The following KDM4C variants were observed in gnomAD, a reference collection of about 807,000 sequenced individuals.
KDM4C encodes lysine-specific demethylase 4C.
A neutral mutation model predicts 129.3 loss-of-function variants in KDM4C; 81 were observed. That is an observed-to-expected ratio of 0.63 (90% CI 0.52 to 0.75). KDM4C has a LOEUF of 0.75. KDM4C is among the 30% of genes least tolerant of loss of function. KDM4C has a pLI of 0.00. For missense variants in KDM4C, 1,457 were observed against 1,304.0 expected (o/e 1.12, Z -1.81); for synonymous variants, 573 against 456.1 (o/e 1.26, Z -3.26).
At chr9:7,160,171 T>G (rs1362538676) in intron 19 of KDM4C, among the ~76,000 whole-genome samples, 2 of 152,250 alleles carry the variant, frequency 1.3e-5, no homozygotes, top group East Asian at 3.8e-4. Context: ...GCCATGGTTT[T>G]CAGCTCTGTC....
intron 1 of KDM4C, among the ~76,000 whole-genome samples, chr9:6,773,748 G>T (rs1258438059): frequency 6.7e-6 from 1 of 150,212 alleles, no homozygotes; most frequent in East Asian, 1.9e-4. Context: ...CCTAGCCTGG[G>T]CGACAGAGTG....
intron 18 of KDM4C, among the ~76,000 whole-genome samples, chr9:7,107,822 A>C (rs946137028): frequency 3.3e-5 from 5 of 151,836 alleles, no homozygotes; most frequent in Admixed American, 2.6e-4. Context: ...GTATTATTGT[A>C]GCTAGGTCAT....
chr9:6,820,698 ATCTC>A (rs200755944), intron 4 of KDM4C, among the ~76,000 whole-genome samples: 70 of 140,696 alleles, frequency 5.0e-4, no homozygotes, highest in East Asian at 8.4e-4. Flanking sequence ...TTGTGTCTTG[ATCTC>A]TCTCTCTCTC....
chr9:6,856,747 A>ATTT (rs781673639), intron 5 of KDM4C, among the ~76,000 whole-genome samples: 76 of 104,252 alleles, frequency 7.3e-4, no homozygotes, highest in Middle Eastern at 5.1e-3. Flanking sequence ...TAATTTTTGT[A>ATTT]TTTTTTTTTT....
intron 15 of KDM4C, among the ~76,000 whole-genome samples, chr9:7,035,221 C>A: frequency 6.6e-6 from 1 of 150,686 alleles, no homozygotes; most frequent in African/African-American, 2.4e-5. Context: ...GCCATGTTGC[C>A]CAGGCTGGTC....
chr9:6,817,319 C>T (rs1261214999), intron 4 of KDM4C, among the ~76,000 whole-genome samples: 3 of 151,460 alleles, frequency 2.0e-5, no homozygotes, highest in Non-Finnish European at 4.4e-5. Flanking sequence ...TTCCTGCCTC[C>T]ACCTCCTATG....
chr9:6,781,532 T>C (rs972959198), intron 1 of KDM4C, among the ~76,000 whole-genome samples: 9 of 152,178 alleles, frequency 5.9e-5, no homozygotes, highest in African/African-American at 2.2e-4. Flanking sequence ...CCATAAACCA[T>C]GGTATTCTTG....
At chr9:6,825,909 C>G (rs1350258612) in intron 4 of KDM4C, among the ~76,000 whole-genome samples, 2 of 152,198 alleles carry the variant, frequency 1.3e-5, no homozygotes, top group African/African-American at 2.4e-5. Context: ...CTCCCAGGCT[C>G]AGGTGATCCT....
intron 5 of KDM4C, among the ~76,000 whole-genome samples, chr9:6,858,410 A>G (rs919972036): frequency 6.6e-6 from 1 of 152,120 alleles, no homozygotes; most frequent in Non-Finnish European, 1.5e-5. Flanking sequence ...AGAAATTGTT[A>G]AATCCATAAC....
intron 17 of KDM4C, among the ~76,000 whole-genome samples, chr9:7,070,796 A>C (rs565155613): frequency 6.6e-6 from 1 of 152,268 alleles, no homozygotes; most frequent in South Asian, 2.1e-4. Context: ...ACTGTGAACA[A>C]GGTAATGAAT....
At chr9:6,965,366 T>A (rs1830776497) in intron 8 of KDM4C, among the ~76,000 whole-genome samples, 1 of 151,994 alleles carries the variant, frequency 6.6e-6, no homozygotes, top group African/African-American at 2.4e-5. Flanking sequence ...GAGATATATA[T>A]GACTAAATTA....
At chr9:7,158,680 A>G (rs1236988674) in intron 19 of KDM4C, among the ~76,000 whole-genome samples, 1 of 152,098 alleles carries the variant, frequency 6.6e-6, no homozygotes, top group African/African-American at 2.4e-5. Flanking sequence ...CTGAGTTCTA[A>G]TTTGATTGCA....
chr9:7,010,084 G>A (rs550525571), intron 12 of KDM4C, among the ~76,000 whole-genome samples: 3 of 152,284 alleles, frequency 2.0e-5, no homozygotes, highest in Non-Finnish European at 4.4e-5. Flanking sequence ...ATATAAAGGT[G>A]CAGTATTAAA....
intron 1 of KDM4C, among the ~76,000 whole-genome samples, chr9:6,774,041 C>G (rs1822475839): frequency 6.6e-6 from 1 of 152,042 alleles, no homozygotes; most frequent in African/African-American, 2.4e-5. Context: ...GCGCATGCCA[C>G]TATACCTGGT....
intron 8 of KDM4C, among the ~76,000 whole-genome samples, chr9:6,931,654 C>T (rs1823761951): frequency 6.6e-6 from 1 of 152,144 alleles, no homozygotes; most frequent in African/African-American, 2.4e-5. Flanking sequence ...GCATGTGCCA[C>T]CACACCCAGC....
At chr9:6,943,745 ATACTT>A (rs1826388546) in intron 8 of KDM4C, among the ~76,000 whole-genome samples, 1 of 152,232 alleles carries the variant, frequency 6.6e-6, no homozygotes, top group African/African-American at 2.4e-5. Flanking sequence ...CTGCTATAGA[ATACTT>A]TACTGCATTG....
intron 1 of KDM4C, among the ~76,000 whole-genome samples, chr9:6,761,798 C>G (rs116873418): frequency 4.1e-4 from 62 of 152,038 alleles, no homozygotes; most frequent in African/African-American, 1.4e-3. Context: ...TGCTTCTCTC[C>G]CAACCTCTGT....
At chr9:6,902,408 A>T (rs1183264269) in intron 8 of KDM4C, among the ~76,000 whole-genome samples, 1 of 152,110 alleles carries the variant, frequency 6.6e-6, no homozygotes, top group African/African-American at 2.4e-5. Flanking sequence ...GGCTGTCAGG[A>T]GTGCACGTAA....
At chr9:6,955,952 T>A (rs1285426967) in intron 8 of KDM4C, among the ~76,000 whole-genome samples, 1 of 152,204 alleles carries the variant, frequency 6.6e-6, no homozygotes, top group Non-Finnish European at 1.5e-5. Context: ...AACAGAACTG[T>A]GCCACCTCTG....
Sources: allele counts gnomAD v4.1 joint callset (sites outside exome capture counted in the v4.1 genomes callset), GRCh38; gene constraint gnomAD v4.1.1; transcripts MANE v1.5; gene names NCBI Gene and HGNC (gene_info 2026-07-23, HGNC 2026-07-21).